The following LTBP1 variants were observed in gnomAD, a reference collection of about 807,000 sequenced individuals.
LTBP1 encodes latent transforming growth factor beta binding protein 1, also known as latent-transforming growth factor beta-binding protein 1.
In LTBP1, 129 loss-of-function variants were observed where a neutral mutation model predicts 207.6. The ratio of observed to expected loss-of-function variants is 0.62; its 90% CI spans 0.54 to 0.72. The LOEUF (loss-of-function observed/expected upper bound fraction) is 0.72, where lower values mean the gene tolerates loss of function less well. Ranked by LOEUF, LTBP1 falls within the 30% of genes least tolerant of loss-of-function variation. The pLI is 0.00. For missense variants in LTBP1, 2,281 were observed against 2,217.2 expected, an observed-to-expected ratio of 1.03 and a Z score of -0.58; for synonymous variants, 963 against 833.7, an observed-to-expected ratio of 1.16 and a Z score of -2.67.
chr2:33,383,949 A>G (rs907023634), intron 31 of LTBP1, among the ~76,000 whole-genome samples: 10 of 152,248 alleles, frequency 6.6e-5, no homozygotes, highest in Middle Eastern at 3.2e-3. Context: ...GTGCAAAACG[A>G]AATTGCAACC....
At chr2:33,294,898 C>A (rs1046356619) in intron 20 of LTBP1, among the ~76,000 whole-genome samples, 3 of 151,484 alleles carry the variant, frequency 2.0e-5, no homozygotes, top group African/African-American at 7.3e-5. Flanking sequence ...AATTTTTTTA[C>A]TATTTGGTTT....
At chr2:33,283,865 T>C (rs1297329305) in intron 19 of LTBP1, among the ~76,000 whole-genome samples, 1 of 152,246 alleles carries the variant, frequency 6.6e-6, no homozygotes, top group Non-Finnish European at 1.5e-5. Flanking sequence ...TTAGTGTCTT[T>C]TTTTCTAACT....
intron 3 of LTBP1, among the ~76,000 whole-genome samples, chr2:33,093,162 C>T (rs766714386): frequency 2.0e-5 from 3 of 152,240 alleles, no homozygotes; most frequent in Non-Finnish European, 2.9e-5. Context: ...TTGTTCATAA[C>T]ATTCTAAGCA....
intron 3 of LTBP1, among the ~76,000 whole-genome samples, chr2:33,084,159 A>T (rs888107094): frequency 6.6e-6 from 1 of 152,216 alleles, no homozygotes; most frequent in Non-Finnish European, 1.5e-5. Context: ...CTTTTGTGGG[A>T]TAAAAAAAAC....
At chr2:33,058,484 G>T (rs546292115) in intron 3 of LTBP1, among the ~76,000 whole-genome samples, 201 of 152,316 alleles carry the variant, frequency 1.3e-3, no homozygotes, top group Non-Finnish European at 9.3e-4. Flanking sequence ...GAATCAAAGA[G>T]TTGGGTCTTC....
chr2:33,115,115 CACACAT>C (rs141774114), intron 4 of LTBP1, among the ~76,000 whole-genome samples: 1 of 89,640 alleles, frequency 1.1e-5, no homozygotes, highest in East Asian at 2.4e-4. Context: ...TACACACACA[CACACAT>C]ATATATACAC....
At chr2:33,005,430 G>A (rs1686705363) in intron 2 of LTBP1, among the ~76,000 whole-genome samples, 1 of 152,038 alleles carries the variant, frequency 6.6e-6, no homozygotes, top group South Asian at 2.1e-4. Context: ...GGTTGCTTGG[G>A]CTTCTCCATT....
intron 4 of LTBP1, among the ~76,000 whole-genome samples, chr2:33,132,418 A>T (rs115320213): frequency 0.023 from 3,549 of 152,294 alleles, 63 homozygotes; most frequent in Non-Finnish European, 0.032. Flanking sequence ...GTAAAGTTTG[A>T]TTGGAACACA....
intron 3 of LTBP1, among the ~76,000 whole-genome samples, chr2:33,066,784 CA>C (rs2077530906): frequency 6.6e-6 from 1 of 152,188 alleles, no homozygotes; most frequent in Non-Finnish European, 1.5e-5. Context: ...GGTAAATTTG[CA>C]AGTGACTCCT....
At chr2:33,110,243 A>G (rs1244146419) in intron 3 of LTBP1, among the ~76,000 whole-genome samples, 1 of 152,212 alleles carries the variant, frequency 6.6e-6, no homozygotes, top group Non-Finnish European at 1.5e-5. Context: ...GTCATGCACC[A>G]TCATTTTCTT....
chr2:33,070,254 G>A (rs1195583982), intron 3 of LTBP1, among the ~76,000 whole-genome samples: 1 of 152,200 alleles, frequency 6.6e-6, no homozygotes, highest in Non-Finnish European at 1.5e-5. Flanking sequence ...TTGGAATAGT[G>A]TGTCATTTCT....
At chr2:33,123,664 A>C (rs1175552928) in intron 4 of LTBP1, among the ~76,000 whole-genome samples, 1 of 152,234 alleles carries the variant, frequency 6.6e-6, no homozygotes, top group Admixed American at 6.5e-5. Context: ...TGTGAATTGT[A>C]TTCTTGTTAT....
rs545034718 is a variant in LTBP1 at position 33,392,671 on chromosome 2, G to T, written c.4834+3365G>T. On this transcript the variant is annotated intron_variant, in intron 32 of 33. Coordinates refer to ENST00000404816, the MANE Select transcript of LTBP1 (RefSeq NM_206943.4). ...CTGTAGTGTCCTGACCTGTTTTAGAGTCCTGCAGAAGTATTTTGGGGAGCC... is the reference window on the plus strand; with the variant it reads ...CTGTAGTGTCCTGACCTGTTTTAGATTCCTGCAGAAGTATTTTGGGGAGCC... Among the ~76,000 whole-genome samples the T allele has an allele frequency of 7.9e-5, 12 of 152,298 alleles. No homozygotes were observed. The South Asian group carries it at 2.5e-3, about 32-fold the overall frequency.
intron 5 of LTBP1, among the ~76,000 whole-genome samples, chr2:33,157,266 G>A (rs992740989): frequency 6.6e-6 from 1 of 152,230 alleles, no homozygotes; most frequent in Non-Finnish European, 1.5e-5. Flanking sequence ...ATGCACGGAT[G>A]AGGATTAAGA....
Position 33,363,538 on chromosome 2 carries a change from AGTATGGTGTACT to A in LTBP1, c.4399+23_4399+34del. Reference sequence around the variant, plus strand: ...GCTTTGGTAAGCTTTAGGGGGATATAGTATGGTGTACTGTGAAAATATACAGATGGAAAAAAT... The same window carrying A: ...GCTTTGGTAAGCTTTAGGGGGATATAGTGAAAATATACAGATGGAAAAAAT... On this transcript the variant is annotated intron_variant, in intron 29 of 33. Coordinates refer to ENST00000404816, the MANE Select transcript of LTBP1 (RefSeq NM_206943.4). 1 of 1,611,466 alleles carries A rather than the reference AGTATGGTGTACT, an allele frequency of 6.2e-7. No individual in the cohort carries two copies. Among genetic ancestry groups the A allele is most frequent in the Middle Eastern group, 1.7e-4 (1 of 6,050 alleles).
intron 5 of LTBP1, among the ~76,000 whole-genome samples, chr2:33,174,283 A>C (rs1398985771): frequency 6.6e-6 from 1 of 150,734 alleles, no homozygotes; most frequent in Non-Finnish European, 1.5e-5. Context: ...AAATCTCCTT[A>C]AGCTGATAAG....
chr2:33,218,593 C>T (rs2090889412), intron 8 of LTBP1, among the ~76,000 whole-genome samples: 1 of 152,126 alleles, frequency 6.6e-6, no homozygotes, highest in Admixed American at 6.5e-5. Flanking sequence ...GATGGGGTTT[C>T]ACCATGTTGG....
At chr2:33,349,878 GTGTAC>G (rs1470115065) in intron 26 of LTBP1, among the ~76,000 whole-genome samples, 1 of 152,202 alleles carries the variant, frequency 6.6e-6, no homozygotes, top group African/African-American at 2.4e-5. Flanking sequence ...GTCTTGGTTT[GTGTAC>G]TGCACAGCCT....
rs2078468929 is a variant in LTBP1 at position 33,082,431 on chromosome 2, A to AATTTTTTTTTTTTTTTT, written c.864-28151_864-28150insATTTTTTTTTTTTTTTT. ...GTTAACCGTGGCTAAAGTATGACTCACTTTTTTTTTTTTTTTTTTTTTTTT... is the reference window on the plus strand; with the variant it reads ...GTTAACCGTGGCTAAAGTATGACTCAATTTTTTTTTTTTTTTTCTTTTTTTTTTTTTTTTTTTTTTTT... On this transcript the variant is annotated intron_variant, in intron 3 of 33. Coordinates refer to ENST00000404816, the MANE Select transcript of LTBP1 (RefSeq NM_206943.4). Among the ~76,000 whole-genome samples, 10 of 116,044 alleles carry AATTTTTTTTTTTTTTTT rather than the reference A, an allele frequency of 8.6e-5. 4 individuals are homozygous for AATTTTTTTTTTTTTTTT. The highest frequency in any genetic ancestry group is 3.3e-5 in the African/African-American group (1 of 29,924). 76.1% of individuals were successfully genotyped at this position (116,044 alleles called of 152,430 possible).
Sources: allele counts gnomAD v4.1 joint callset (sites outside exome capture counted in the v4.1 genomes callset), GRCh38; gene constraint gnomAD v4.1.1; transcripts MANE v1.5; gene names NCBI Gene and HGNC (gene_info 2026-07-23, HGNC 2026-07-21).